CTNND2: variants seen among roughly 807,000 people sequenced by gnomAD.
CTNND2 encodes catenin delta-2.
CTNND2 carries 22 observed loss-of-function variants against 144.4 expected under a neutral mutation model. The observed-to-expected ratio is 0.15, with a 90% CI of 0.11 to 0.22. The LOEUF (loss-of-function observed/expected upper bound fraction) is 0.22, where lower values mean the gene tolerates loss of function less well. Ranked by LOEUF, CTNND2 falls within the 10% of genes least tolerant of loss-of-function variation. The probability of loss-of-function intolerance (pLI) is 1.00; values close to 1 mark genes in which losing one functional copy is unlikely to be tolerated. For missense variants in CTNND2, 1,353 were observed against 1,618.8 expected (o/e 0.84, Z 2.82); for synonymous variants, 751 against 695.6 (o/e 1.08, Z -1.25).
At chr5:11,485,258 G>A (rs2149982881) in intron 3 of CTNND2, among the ~76,000 whole-genome samples, 1 of 152,124 alleles carries the variant, frequency 6.6e-6, no homozygotes, top group Non-Finnish European at 1.5e-5. Context: ...AACATTTTAT[G>A]CAATCAGTAG....
chr5:11,710,125 A>T (rs1054469608), intron 2 of CTNND2, among the ~76,000 whole-genome samples: 2 of 152,136 alleles, frequency 1.3e-5, no homozygotes, highest in African/African-American at 4.8e-5. Context: ...GCATCCCAAG[A>T]GAAGGGCAGG....
At chr5:11,837,369 T>C (rs978887990) in intron 1 of CTNND2, among the ~76,000 whole-genome samples, 11 of 152,204 alleles carry the variant, frequency 7.2e-5, no homozygotes, top group Non-Finnish European at 1.5e-4. Flanking sequence ...GGATGATTGT[T>C]TGAAAAATAA....
intron 1 of CTNND2, among the ~76,000 whole-genome samples, chr5:11,810,844 G>A (rs529026578): frequency 6.6e-6 from 1 of 151,922 alleles, no homozygotes; most frequent in East Asian, 2.0e-4. Flanking sequence ...AACACCTGGT[G>A]TCGGCACTTA....
At chr5:11,405,923 C>T (rs1347851589) in intron 5 of CTNND2, among the ~76,000 whole-genome samples, 2 of 152,066 alleles carry the variant, frequency 1.3e-5, no homozygotes, top group Non-Finnish European at 2.9e-5. Context: ...CCAAGGTGGG[C>T]GGATCACTGG....
intron 1 of CTNND2, among the ~76,000 whole-genome samples, chr5:11,823,351 C>T (rs1366847827): frequency 6.6e-6 from 1 of 152,154 alleles, no homozygotes; most frequent in Non-Finnish European, 1.5e-5. Context: ...AGGATTACTA[C>T]AGTCAATCAC....
chr5:11,439,059 C>T (rs1010534493), intron 3 of CTNND2, among the ~76,000 whole-genome samples: 3 of 151,998 alleles, frequency 2.0e-5, no homozygotes, highest in Non-Finnish European at 4.4e-5. Flanking sequence ...AGCAGACACG[C>T]ATTCTCCGAC....
intron 10 of CTNND2, among the ~76,000 whole-genome samples, chr5:11,236,298 C>T (rs958304131): frequency 2.0e-5 from 3 of 152,324 alleles, no homozygotes; most frequent in Admixed American, 6.5e-5. Flanking sequence ...ATAGCTTATA[C>T]TGACTATAAC....
At chr5:11,202,225 T>C (rs1737518894) in intron 10 of CTNND2, among the ~76,000 whole-genome samples, 1 of 152,302 alleles carries the variant, frequency 6.6e-6, no homozygotes, top group East Asian at 1.9e-4. Flanking sequence ...TATTCCTAAT[T>C]TATTATAATA....
chr5:11,700,357 T>A (rs552073554), intron 2 of CTNND2, among the ~76,000 whole-genome samples: 2 of 152,234 alleles, frequency 1.3e-5, no homozygotes, highest in Admixed American at 1.3e-4. Context: ...GCAACTGTGC[T>A]CCAGCCTGGG....
intron 11 of CTNND2, among the ~76,000 whole-genome samples, chr5:11,167,701 T>G (rs1759476398): frequency 1.3e-5 from 2 of 151,638 alleles, no homozygotes; most frequent in African/African-American, 4.8e-5. Context: ...ATTCACTTTT[T>G]TTTTTTTTTT....
intron 3 of CTNND2, among the ~76,000 whole-genome samples, chr5:11,550,904 T>C (rs1168317871): frequency 6.6e-6 from 1 of 152,206 alleles, no homozygotes; most frequent in East Asian, 1.9e-4. Context: ...AAGTAAGTAA[T>C]AGCTTCCCAA....
In CTNND2 at chr5:11,903,918, G is replaced by A; in HGVS notation, c.-65C>T. 1 of 1,391,486 alleles carries A rather than the reference G, an allele frequency of 7.2e-7. No individual in the cohort carries two copies. Among genetic ancestry groups the A allele is most frequent in the Non-Finnish European group, 9.3e-7 (1 of 1,079,470 alleles). 86.2% of individuals were successfully genotyped at this position (1,391,486 alleles called of 1,614,324 possible). ...GCGTGCGCGGCGCCGCCCGGCTTCA[G>A]GGCAAGGTCCTGACCTTGCCCAACT... is the stretch of plus-strand genomic sequence containing the variant. On this transcript the variant is annotated 5_prime_UTR_variant, in exon 1 of 22. Coordinates refer to ENST00000304623, the MANE Select transcript of CTNND2 (RefSeq NM_001332.4). The surrounding 1 kb of genome is among the most constrained non-coding windows in gnomAD (Gnocchi z 5.4).
At chr5:10,987,981 A>G in intron 20 of CTNND2, 130 bp downstream of exon 20, 3 of 1,157,626 alleles carry the variant, frequency 2.6e-6, no homozygotes, top group Non-Finnish European at 3.7e-6. Flanking sequence ...CTCTCAAGTG[A>G]CTGGACAGCT....
At chr5:11,580,439 T>C (rs545707124) in intron 2 of CTNND2, among the ~76,000 whole-genome samples, 2 of 152,360 alleles carry the variant, frequency 1.3e-5, no homozygotes, top group South Asian at 4.1e-4. Flanking sequence ...GTTTTCAAAA[T>C]TCACATCTTA....
At chr5:11,707,030 G>A (rs889080449) in intron 2 of CTNND2, among the ~76,000 whole-genome samples, 5 of 150,836 alleles carry the variant, frequency 3.3e-5, no homozygotes, top group African/African-American at 7.3e-5. Flanking sequence ...AGCTTGCAGT[G>A]AGCCGAGATC....
chr5:11,630,327 G>A (rs559014131), intron 2 of CTNND2, among the ~76,000 whole-genome samples: 2 of 152,288 alleles, frequency 1.3e-5, no homozygotes, highest in Admixed American at 1.3e-4. Flanking sequence ...GTGGACTGCA[G>A]GACACTGGGC....
At chr5:11,091,371 T>C (rs1207378352) in intron 15 of CTNND2, among the ~76,000 whole-genome samples, 3 of 152,242 alleles carry the variant, frequency 2.0e-5, no homozygotes, top group Non-Finnish European at 4.4e-5. Context: ...TGTGTAACTT[T>C]TAAAATGTTT....
intron 1 of CTNND2, among the ~76,000 whole-genome samples, chr5:11,744,832 C>T (rs1445722301): frequency 2.0e-5 from 3 of 152,010 alleles, no homozygotes; most frequent in East Asian, 1.9e-4. Flanking sequence ...CTGCAACTAC[C>T]ACCTCCCAGG....
chr5:11,862,370 G>A (rs1038651934), intron 1 of CTNND2, among the ~76,000 whole-genome samples: 1 of 152,132 alleles, frequency 6.6e-6, no homozygotes, highest in Non-Finnish European at 1.5e-5. Flanking sequence ...CAAATTTTGG[G>A]ACGGTTCCCT....
Sources: allele counts gnomAD v4.1 joint callset (sites outside exome capture counted in the v4.1 genomes callset), GRCh38; gene constraint gnomAD v4.1.1; non-coding constraint Gnocchi (gnomAD v3.1); transcripts MANE v1.5; gene names NCBI Gene and HGNC (gene_info 2026-07-23, HGNC 2026-07-21).